The following PTGFR variants were observed in gnomAD, a reference collection of about 807,000 sequenced individuals.
The protein encoded by PTGFR is prostaglandin F2-alpha receptor.
Under a neutral mutation model 26.2 loss-of-function variants are expected in PTGFR, and 15 were observed. That is an observed-to-expected ratio of 0.57 (90% CI 0.38 to 0.88). PTGFR has a LOEUF of 0.88. Ranked by LOEUF, PTGFR falls within the 40% of genes least tolerant of loss-of-function variation. PTGFR has a pLI of 0.00. For missense variants in PTGFR, 369 were observed against 427.2 expected (o/e 0.86, Z 1.20); for synonymous variants, 165 against 151.1 (o/e 1.09, Z -0.68).
chr1:78,539,666 T>G lies in PTGFR; in HGVS notation c.*2979T>G, dbSNP rs954191106. On this transcript the variant is annotated 3_prime_UTR_variant, in exon 3 of 3. Transcript: ENST00000370757. Reference sequence around the variant, plus strand: ...GATATGTATATTTTGTTGTTTGCTTTGGTATGCAACTCATGTAATTTTAGT... The same window carrying G: ...GATATGTATATTTTGTTGTTTGCTTGGGTATGCAACTCATGTAATTTTAGT... 1 of 152,560 alleles carries G rather than the reference T, an allele frequency of 6.6e-6. No individual in the cohort carries two copies. Among genetic ancestry groups the G allele is most frequent in the Non-Finnish European group, 1.5e-5 (1 of 68,000 alleles). The allele number at this position is 152,560 out of a possible 1,614,324, so 9.5% of individuals were successfully genotyped here.
At chr1:78,526,175 T>A (rs770563442) in intron 2 of PTGFR, among the ~76,000 whole-genome samples, 15 of 152,082 alleles carry the variant, frequency 9.9e-5, no homozygotes, top group Non-Finnish European at 2.1e-4. Flanking sequence ...GACTAAAAAA[T>A]TATTGCTAGA....
Position 78,495,009 on chromosome 1 carries a change from C to T in PTGFR, c.798+1468C>T, listed in dbSNP as rs115930439. Among the ~76,000 whole-genome samples the T allele has an allele frequency of 9.9e-3, 1,505 of 152,334 alleles. 31 individuals carry two copies. The highest frequency in any genetic ancestry group is 0.034 in the African/African-American group (1,431 of 41,578). On this transcript the variant is annotated intron_variant, in intron 2 of 2. Coordinates refer to ENST00000370757, the MANE Select transcript of PTGFR (RefSeq NM_000959.4). Reference sequence around the variant, plus strand: ...CTATGATAGAGTTGAGTTTATTTTACAAAGGGAGTTCTACTTCTCTAATAT... The same window carrying T: ...CTATGATAGAGTTGAGTTTATTTTATAAAGGGAGTTCTACTTCTCTAATAT...
chr1:78,501,616 T>TGGCCGG (rs1649708199), intron 2 of PTGFR, among the ~76,000 whole-genome samples: 1 of 152,152 alleles, frequency 6.6e-6, no homozygotes, highest in African/African-American at 2.4e-5. Context: ...AAATGGAGTG[T>TGGCCGG]GGCCGTGGTG....
chr1:78,510,796 T>C (rs1038086991), intron 2 of PTGFR, among the ~76,000 whole-genome samples: 6 of 152,152 alleles, frequency 3.9e-5, no homozygotes, highest in Non-Finnish European at 7.3e-5. Context: ...TCCTTCCACC[T>C]ATGAGCCTGT....
intron 2 of PTGFR, among the ~76,000 whole-genome samples, chr1:78,515,530 A>G (rs1650072383): frequency 6.6e-6 from 1 of 152,220 alleles, no homozygotes; most frequent in South Asian, 2.1e-4. Context: ...GCTAAAAATC[A>G]TCTCTCTAAA....
intron 2 of PTGFR, among the ~76,000 whole-genome samples, chr1:78,505,844 A>C (rs561479040): frequency 6.6e-6 from 1 of 152,324 alleles, no homozygotes; most frequent in South Asian, 2.1e-4. Flanking sequence ...GTTCATCTAC[A>C]TCTACACTGA....
intron 2 of PTGFR, among the ~76,000 whole-genome samples, chr1:78,524,717 C>G (rs146099891): frequency 1.3e-5 from 2 of 151,986 alleles, no homozygotes; most frequent in East Asian, 3.9e-4. Context: ...TTATCTTGGG[C>G]GAATCACCTT....
intron 2 of PTGFR, chr1:78,498,090 C>A (rs1649602572): frequency 1.6e-6 from 1 of 612,436 alleles, no homozygotes; most frequent in Non-Finnish European, 2.7e-6. Context: ...GATCAAAGAA[C>A]TGGGTGGCTA....
chr1:78,533,347 A>G (rs2100402693), intron 2 of PTGFR, among the ~76,000 whole-genome samples: 1 of 152,306 alleles, frequency 6.6e-6, no homozygotes, highest in East Asian at 1.9e-4. Context: ...CTTTCTTCTC[A>G]CATACTTAAT....
chr1:78,497,958 A>G (rs759743778), intron 2 of PTGFR: 10 of 1,548,528 alleles, frequency 6.5e-6, no homozygotes, highest in Non-Finnish European at 7.1e-6. Context: ...AGTTTACCCA[A>G]GAAATGTGTT....
Position 78,521,324 on chromosome 1 carries a change from T to C in PTGFR, c.799-15082T>C, listed in dbSNP as rs1008554692. Among the ~76,000 whole-genome samples, 7 of 152,116 alleles carry C rather than the reference T, an allele frequency of 4.6e-5. No individual in the cohort carries two copies. In the East Asian group the frequency reaches 1.3e-3, roughly 29 times the overall value. ...AAATATAATAATCACTTGACAATTA[T>C]AAGGTATGATGCTCTTGTTCATCTG... On this transcript the variant is annotated intron_variant, in intron 2 of 2. Transcript: ENST00000370757.
chr1:78,518,661 C>T (rs998028001), intron 2 of PTGFR, among the ~76,000 whole-genome samples: 1 of 150,550 alleles, frequency 6.6e-6, no homozygotes, highest in Non-Finnish European at 1.5e-5. Flanking sequence ...GTTAGATAGA[C>T]CATGATCTAG....
At chr1:78,517,651 G>T (rs34012602) in intron 2 of PTGFR, among the ~76,000 whole-genome samples, 19,540 of 152,098 alleles carry the variant, frequency 0.13, 1,674 homozygotes, top group Non-Finnish European at 0.2. Context: ...TGGAGCAAGG[G>T]GAGCATAGAT....
At chr1:78,507,989 T>C (rs775023426) in intron 2 of PTGFR, among the ~76,000 whole-genome samples, 4 of 152,214 alleles carry the variant, frequency 2.6e-5, no homozygotes, top group Non-Finnish European at 5.9e-5. Context: ...TTGAAACCAA[T>C]TTAATTCTTT....
chr1:78,514,063 C>G (rs1650035431), intron 2 of PTGFR, among the ~76,000 whole-genome samples: 1 of 152,218 alleles, frequency 6.6e-6, no homozygotes. Flanking sequence ...AGAGTCTCTT[C>G]TTGGGTATTG....
At chr1:78,493,813 A>T (rs1649476456) in intron 2 of PTGFR, among the ~76,000 whole-genome samples, 2 of 152,358 alleles carry the variant, frequency 1.3e-5, no homozygotes, top group Admixed American at 1.3e-4. Context: ...ACATATTTTT[A>T]ACATACTGAA....
At chr1:78,532,448 GT>G (rs1287825100) in intron 2 of PTGFR, 1 of 107,592 alleles carries the variant, frequency 9.3e-6, no homozygotes, top group Non-Finnish European at 1.8e-5. Flanking sequence ...ATTTGTGTGT[GT>G]ATATGTGTAT....
At chr1:78,518,147 C>T (rs937312582) in intron 2 of PTGFR, among the ~76,000 whole-genome samples, 5 of 151,968 alleles carry the variant, frequency 3.3e-5, no homozygotes, top group Non-Finnish European at 7.4e-5. Flanking sequence ...AAAGAAAATA[C>T]GTTCAAAATA....
chr1:78,507,303 T>G (rs1255415774), intron 2 of PTGFR, among the ~76,000 whole-genome samples: 1 of 152,190 alleles, frequency 6.6e-6, no homozygotes, highest in Non-Finnish European at 1.5e-5. Context: ...TCTCAAGAAT[T>G]TGCCTGCTTT....
Sources: gnomAD v4.1 joint callset for allele counts (sites outside exome capture counted in the v4.1 genomes callset) on GRCh38, gnomAD v4.1.1 for gene constraint, MANE v1.5 for transcripts, NCBI Gene and HGNC (gene_info 2026-07-23, HGNC 2026-07-21) for gene names.